Variants in SYNE2 observed in about 807,000 individuals in gnomAD.
SYNE2 encodes nesprin-2.
A neutral mutation model predicts 856.3 loss-of-function variants in SYNE2; 431 were observed. The observed-to-expected ratio is 0.50, with a 90% CI of 0.47 to 0.55. The LOEUF (loss-of-function observed/expected upper bound fraction) is 0.55. SYNE2 is among the 20% of genes least tolerant of loss of function. The pLI is 0.00. For synonymous variants in SYNE2, 2,923 were observed against 2,872.3 expected (o/e 1.02, Z -0.56); for missense variants, 8,129 against 8,023.2 (o/e 1.01, Z -0.50).
chr14:63,836,011 C>A (rs1449322734), intron 1 of SYNE2, among the ~76,000 whole-genome samples: 1 of 150,476 alleles, frequency 6.6e-6, no homozygotes, highest in African/African-American at 2.4e-5. Context: ...TGAAAATATC[C>A]AAATATTTCA....
At chr14:64,037,868 C>T (rs1212703948) in intron 45 of SYNE2, among the ~76,000 whole-genome samples, 10 of 150,280 alleles carry the variant, frequency 6.7e-5, no homozygotes, top group Admixed American at 1.3e-4. Context: ...CCCTCCCGGA[C>T]GGGGCGGCTG....
intron 94 of SYNE2, among the ~76,000 whole-genome samples, chr14:64,171,011 C>A (rs965949430): frequency 2.6e-5 from 4 of 152,084 alleles, no homozygotes; most frequent in African/African-American, 9.7e-5. Flanking sequence ...GGGATGGAAA[C>A]CCCGTTCTCC....
At chr14:64,007,551 G>A (rs930001422) in intron 31 of SYNE2, among the ~76,000 whole-genome samples, 2 of 152,104 alleles carry the variant, frequency 1.3e-5, no homozygotes, top group African/African-American at 2.4e-5. Context: ...AAAAGAACAC[G>A]GATTTATTAC....
intron 108 of SYNE2, among the ~76,000 whole-genome samples, chr14:64,217,741 G>A (rs185107136): frequency 6.7e-6 from 1 of 149,478 alleles, no homozygotes; most frequent in African/African-American, 2.5e-5. Flanking sequence ...AAATCTGAAG[G>A]TTTTTTTTTT....
At chr14:63,843,887 T>C (rs779461343) in intron 1 of SYNE2, among the ~76,000 whole-genome samples, 12 of 152,210 alleles carry the variant, frequency 7.9e-5, no homozygotes, top group Non-Finnish European at 1.6e-4. Flanking sequence ...TAAGCAATTT[T>C]AGATTTACAG....
intron 51 of SYNE2, 37 bp from the exon 52 acceptor site, chr14:64,070,608 T>C: frequency 3.2e-6 from 5 of 1,568,414 alleles, no homozygotes; most frequent in Non-Finnish European, 4.4e-6. Context: ...TAATTGTATA[T>C]TTTACTTATT....
In SYNE2 at chr14:64,119,477, C is replaced by A; in HGVS notation, c.12891C>A (p.Cys4297Ter). The stretch of plus-strand genomic sequence containing the variant: ...AGGTTGCCTTTCTGTTAGAGACTTG[C>A]AAAGATCAGGGCCTGGGAGATAATG... ...EHKVAFLLETCKDQGLGDNGA... is the reference protein window; with the variant it reads ...EHKVAFLLET Residue 4297 changes from cysteine to a stop codon, truncating the protein, a stop_gained, in exon 67 of 116, where the codon TGC becomes TGA. Coordinates refer to ENST00000555002, the MANE Select transcript of SYNE2 (RefSeq NM_182914.3). LOFTEE classifies it high-confidence loss of function. 1 of 1,614,198 alleles carries A rather than the reference C, an allele frequency of 6.2e-7. No individual in the cohort carries two copies. The highest frequency in any genetic ancestry group is 8.5e-7 in the Non-Finnish European group (1 of 1,180,038).
At chr14:63,809,578 C>T (rs1888533399) in intron 1 of SYNE2, among the ~76,000 whole-genome samples, 1 of 152,194 alleles carries the variant, frequency 6.6e-6, no homozygotes. Context: ...TCCTGGGCTC[C>T]AGGCCCAGCA....
In SYNE2 at chr14:64,167,214, T is replaced by G. The variant is rs2098385017; in HGVS notation, c.16606-19T>G. ...CTTATTGGCATCCAAAAACCTGTAC[T>G]TCAATTTTTTAAAAATAGAATCATG... On this transcript the variant is annotated intron_variant, in intron 90 of 115. Transcript: ENST00000555002. 6.2e-7 allele frequency: 1 copy of G among 1,613,988 alleles called. No homozygotes were observed. The highest frequency in any genetic ancestry group is 8.5e-7 in the Non-Finnish European group (1 of 1,180,032).
intron 64 of SYNE2, among the ~76,000 whole-genome samples, chr14:64,105,937 T>C (rs1303002398): frequency 6.6e-6 from 1 of 151,432 alleles, no homozygotes; most frequent in African/African-American, 2.4e-5. Flanking sequence ...TGCATGCCTA[T>C]AGTCCCAGAG....
intron 112 of SYNE2, among the ~76,000 whole-genome samples, chr14:64,222,795 CAATT>C (rs1464998407): frequency 6.6e-6 from 1 of 152,090 alleles, no homozygotes; most frequent in African/African-American, 2.4e-5. Context: ...CCACCCTTAA[CAATT>C]AAAGCCCGTT....
rs1318681358 is a variant in SYNE2, at chr14:64,221,466, G to T, written c.20062-110G>T. The T allele has an allele frequency of 1.9e-6, 3 of 1,604,910 alleles. No homozygotes were observed. The Admixed American group carries it at 5.0e-5, about 27-fold the overall frequency. On this transcript the variant is annotated intron_variant, in intron 111 of 115. Transcript: ENST00000555002. Reference sequence around the variant, plus strand: ...CTGGTCCTCGTATTCAGTGGGTAAGGCCAGAAAAGCAAATGACTGTGATGG... The same window carrying T: ...CTGGTCCTCGTATTCAGTGGGTAAGTCCAGAAAAGCAAATGACTGTGATGG...
intron 57 of SYNE2, among the ~76,000 whole-genome samples, chr14:64,083,024 A>G (rs1444874162): frequency 6.6e-6 from 1 of 152,148 alleles, no homozygotes; most frequent in Non-Finnish European, 1.5e-5. Flanking sequence ...TCCCTTAGAG[A>G]AAAGCTTATT....
intron 1 of SYNE2, among the ~76,000 whole-genome samples, chr14:63,868,512 C>A (rs1328740248): frequency 6.6e-6 from 1 of 150,682 alleles, no homozygotes; most frequent in Non-Finnish European, 1.5e-5. Context: ...TTGATGAAAT[C>A]TTAGTAATAA....
At chr14:64,164,232 C>T (rs1375669767) in intron 89 of SYNE2, among the ~76,000 whole-genome samples, 2 of 152,084 alleles carry the variant, frequency 1.3e-5, no homozygotes, top group Non-Finnish European at 2.9e-5. Flanking sequence ...GCCTCAGCCT[C>T]CCGAGTAGCT....
intron 100 of SYNE2, among the ~76,000 whole-genome samples, chr14:64,205,395 C>G (rs2098600445): frequency 6.6e-6 from 1 of 152,136 alleles, no homozygotes; most frequent in African/African-American, 2.4e-5. Flanking sequence ...ATGTATGGGC[C>G]ACTTTTTAAA....
At position 64,220,529 on chromosome 14, in the gene SYNE2, C is replaced by T. The variant is rs1381506550; in HGVS notation, c.19953C>T (p.Ser6651=). The T allele has an allele frequency of 6.2e-7, 1 of 1,614,160 alleles. No individual in the cohort carries two copies. The highest frequency in any genetic ancestry group is 1.1e-5 in the South Asian group (1 of 91,070). The change falls in exon 111 of 116, where the codon TCC becomes TCT. Residue 6651 remains serine (S), a synonymous_variant. Coordinates refer to ENST00000555002, the MANE Select transcript of SYNE2 (RefSeq NM_182914.3). ...TTCTGCAAACCGAGAGCCCCGAATC[C>T]ACAGAGCTCCAAAGTAGACTCCGCC... ...KEFLQTESPE[S]TELQSRLRQL...
At chr14:63,822,244 C>A (rs993513976) in intron 1 of SYNE2, among the ~76,000 whole-genome samples, 23 of 151,996 alleles carry the variant, frequency 1.5e-4, no homozygotes, top group African/African-American at 5.5e-4. Context: ...AAAAAAAAAC[C>A]CTGCTGAATA....
intron 76 of SYNE2, among the ~76,000 whole-genome samples, chr14:64,130,701 A>C (rs1381393047): frequency 6.6e-6 from 1 of 152,084 alleles, no homozygotes; most frequent in African/African-American, 2.4e-5. Context: ...CCTGGCCAAC[A>C]TGGTGAAACC....
Sources: gnomAD v4.1 joint callset for allele counts (sites outside exome capture counted in the v4.1 genomes callset) on GRCh38, gnomAD v4.1.1 for gene constraint, MANE v1.5 for transcripts, NCBI Gene and HGNC (gene_info 2026-07-23, HGNC 2026-07-21) for gene names.